KIF27: variants seen among roughly 807,000 people sequenced by gnomAD.
The protein encoded by KIF27 is kinesin-like protein KIF27.
Under a neutral mutation model 141.8 loss-of-function variants are expected in KIF27, and 84 were observed. That is an observed-to-expected ratio of 0.59 (90% CI 0.50 to 0.71). The LOEUF is 0.71. KIF27 is among the 30% of genes least tolerant of loss of function. The probability of loss-of-function intolerance (pLI) is 0.00; values close to 1 mark genes in which losing one functional copy is unlikely to be tolerated. For missense variants in KIF27, 1,306 were observed against 1,628.4 expected, an observed-to-expected ratio of 0.80 and a Z score of 3.41; for synonymous variants, 471 against 569.5, an observed-to-expected ratio of 0.83 and a Z score of 2.46.
At chr9:83,854,832 A>G (rs1362090604) in intron 14 of KIF27, among the ~76,000 whole-genome samples, 1 of 152,194 alleles carries the variant, frequency 6.6e-6, no homozygotes, top group East Asian at 1.9e-4. Context: ...GGCCACCTTG[A>G]TAAGTTCCTG....
chr9:83,874,376 T>G (rs1286856134), intron 11 of KIF27, among the ~76,000 whole-genome samples: 1 of 152,160 alleles, frequency 6.6e-6, no homozygotes, highest in East Asian at 1.9e-4. Flanking sequence ...GAACTACCGC[T>G]CTGAAGAGAA....
rs376993923 is a variant in KIF27, at chr9:83,842,306, G to A, written c.3652C>T (p.Arg1218Trp). 30 of 1,564,290 alleles carry A rather than the reference G, an allele frequency of 1.9e-5. No homozygotes were observed. The highest frequency in any genetic ancestry group is 2.4e-5 in the South Asian group (2 of 82,518). ...TCCTTAAGTTTCTTCTTATGATCCC[G>A]GCTGGTTTTCTTATAGAAATAAAGA... is the stretch of plus-strand genomic sequence containing the variant. ...KDLYFYKKTS[R>W]DHKKKLKELV... The change falls in exon 17 of 18, where the codon CGG becomes TGG. Residue 1218 changes from arginine to tryptophan, a missense_variant. Around this residue, in one of 4 missense-constraint regions of KIF27, gnomAD observed 148 missense variants for 250.9 expected, o/e 0.59. Transcript: ENST00000297814.
intron 1 of KIF27, among the ~76,000 whole-genome samples, chr9:83,917,498 A>G (rs1005877887): frequency 2.0e-5 from 3 of 152,226 alleles, no homozygotes; most frequent in Non-Finnish European, 4.4e-5. Context: ...GAGACAGAGA[A>G]TAACCAAAAC....
chr9:83,845,068 G>A (rs2131546573), intron 16 of KIF27, among the ~76,000 whole-genome samples: 1 of 152,340 alleles, frequency 6.6e-6, no homozygotes, highest in Admixed American at 6.5e-5. Context: ...TGACCCAGCA[G>A]ATCCAATGGT....
rs576418450 is a variant in KIF27 at position 83,842,954 on chromosome 9, A to T, written c.3557-553T>A. 2.0e-5 allele frequency among the ~76,000 whole-genome samples: 3 copies of T among 152,272 alleles called. No homozygotes were observed. In the South Asian group the frequency reaches 6.2e-4, roughly 32 times the overall value. ...ACCCCCTACCAACCCTCACACTTTC[A>T]TAAGAATTTTTTTGCAGTAGCTACC... On this transcript the variant is annotated intron_variant, in intron 16 of 17. Coordinates refer to ENST00000297814, the MANE Select transcript of KIF27 (RefSeq NM_017576.4).
At chr9:83,863,967 G>A (rs796436297) in intron 13 of KIF27, 2 of 152,156 alleles carry the variant, frequency 1.3e-5, no homozygotes, top group Non-Finnish European at 2.9e-5. Context: ...TTTGCATAGA[G>A]GTGTTTATAG....
chr9:83,886,696 C>T (rs1208429691), intron 9 of KIF27, among the ~76,000 whole-genome samples: 1 of 152,110 alleles, frequency 6.6e-6, no homozygotes, highest in African/African-American at 2.4e-5. Context: ...GTCAAGGCTG[C>T]AGTGAGTCAT....
chr9:83,920,211 C>A (rs975447784), intron 1 of KIF27, among the ~76,000 whole-genome samples: 2 of 152,116 alleles, frequency 1.3e-5, no homozygotes, highest in Non-Finnish European at 2.9e-5. Context: ...CAGAGCGAGA[C>A]CCTGTCTCAA....
chr9:83,920,737 A>G (rs917814712), intron 1 of KIF27, among the ~76,000 whole-genome samples: 2 of 152,174 alleles, frequency 1.3e-5, no homozygotes, highest in African/African-American at 4.8e-5. Flanking sequence ...AGGTGTTTCA[A>G]AGAAAGAATC....
At chr9:83,848,066 A>C (rs867012119) in intron 16 of KIF27, among the ~76,000 whole-genome samples, 3 of 9,364 alleles carry the variant, frequency 3.2e-4, no homozygotes, top group Admixed American at 2.5e-3. Context: ...TATATCATAT[A>C]TATGATATAT....
At chr9:83,877,327 C>T (rs12684161) in intron 11 of KIF27, among the ~76,000 whole-genome samples, 1 of 152,128 alleles carries the variant, frequency 6.6e-6, no homozygotes, top group East Asian at 1.9e-4. Flanking sequence ...ATTTGACCAA[C>T]ATCTCCCCGT....
At chr9:83,856,370 G>A (rs1205303860) in intron 14 of KIF27, among the ~76,000 whole-genome samples, 2 of 152,110 alleles carry the variant, frequency 1.3e-5, no homozygotes, top group Non-Finnish European at 2.9e-5. Flanking sequence ...ACTTTGGGAG[G>A]CTGAGGCGGG....
chr9:83,852,257 T>C, intron 15 of KIF27, among the ~76,000 whole-genome samples: 1 of 150,942 alleles, frequency 6.6e-6, no homozygotes. Flanking sequence ...CATCCCTGTC[T>C]AACATGGTAA....
At chr9:83,861,181 T>TTA (rs369418168) in intron 13 of KIF27, among the ~76,000 whole-genome samples, 2,794 of 149,510 alleles carry the variant, frequency 0.019, 55 homozygotes, top group East Asian at 0.038. Flanking sequence ...GGCTATTTCT[T>TTA]TATATATATA....
At chr9:83,871,077 AT>A (rs920980211) in intron 11 of KIF27, among the ~76,000 whole-genome samples, 27 of 148,792 alleles carry the variant, frequency 1.8e-4, no homozygotes, top group African/African-American at 3.4e-4. Flanking sequence ...CATCCAGCTA[AT>A]TTTTTTTTTT....
chr9:83,873,843 A>G (rs1461542646), intron 11 of KIF27, among the ~76,000 whole-genome samples: 1 of 152,126 alleles, frequency 6.6e-6, no homozygotes, highest in African/African-American at 2.4e-5. Context: ...AGGTCAGGAG[A>G]TCGAGACCAT....
intron 16 of KIF27, among the ~76,000 whole-genome samples, chr9:83,845,067 A>T (rs1158504466): frequency 1.3e-5 from 2 of 152,192 alleles, no homozygotes; most frequent in African/African-American, 4.8e-5. Context: ...ATGACCCAGC[A>T]GATCCAATGG....
At chr9:83,864,825 T>G (rs1284141338) in intron 13 of KIF27, among the ~76,000 whole-genome samples, 1 of 152,180 alleles carries the variant, frequency 6.6e-6, no homozygotes. Flanking sequence ...TCTTTGTAGG[T>G]CTCTAAGGAC....
At chr9:83,860,517 C>CT (rs1297999039) in intron 13 of KIF27, among the ~76,000 whole-genome samples, 1 of 152,086 alleles carries the variant, frequency 6.6e-6, no homozygotes, top group Admixed American at 6.5e-5. Flanking sequence ...ATTATTATAA[C>CT]TTTGTTATTC....
Sources: gnomAD v4.1 joint callset for allele counts (sites outside exome capture counted in the v4.1 genomes callset) on GRCh38, gnomAD v4.1.1 for gene constraint, gnomAD v4.1.1 regional missense constraint, MANE v1.5 for transcripts, NCBI Gene and HGNC (gene_info 2026-07-23, HGNC 2026-07-21) for gene names.